Variants in TTC34 observed in about 807,000 individuals in gnomAD.
TTC34 encodes tetratricopeptide repeat domain 34, also known as tetratricopeptide repeat protein 34.
TTC34 carries 44 observed loss-of-function variants against 40.7 expected under a neutral mutation model. The ratio of observed to expected loss-of-function variants is 1.08; its 90% CI spans 0.85 to 1.39. TTC34 has a LOEUF of 1.39. TTC34 is among the 40% of genes most tolerant of loss of function. The pLI is 0.00. For synonymous variants in TTC34, 422 were observed against 398.6 expected, an observed-to-expected ratio of 1.06 and a Z score of -0.70; for missense variants, 884 against 838.0, an observed-to-expected ratio of 1.05 and a Z score of -0.68.
chr1:2,682,670 CCCAGGCGAGCA>C (rs1640131735), intron 6 of TTC34, among the ~76,000 whole-genome samples: 1 of 138,706 alleles, frequency 7.2e-6, no homozygotes, highest in Non-Finnish European at 1.7e-5. Flanking sequence ...CACCCACACC[CCCAGGCGAGCA>C]TCCGACAGCC....
intron 6 of TTC34, among the ~76,000 whole-genome samples, chr1:2,651,745 C>A (rs1290281804): frequency 1.3e-5 from 2 of 151,608 alleles, no homozygotes; most frequent in African/African-American, 4.9e-5. Flanking sequence ...TATCTGACAA[C>A]CTAGAACAGC....
intron 6 of TTC34, among the ~76,000 whole-genome samples, chr1:2,697,267 T>G (rs1640910676): frequency 1.1e-5 from 1 of 90,280 alleles, no homozygotes; most frequent in Non-Finnish European, 2.4e-5. Flanking sequence ...AGTGACACCC[T>G]GGAACAGCAC....
chr1:2,686,556 GCACACA>G (rs1557611626), intron 6 of TTC34, among the ~76,000 whole-genome samples: 4 of 19,724 alleles, frequency 2.0e-4, no homozygotes, highest in Admixed American at 1.7e-3. Context: ...GGAACAGCAC[GCACACA>G]CCCAGGTGAG....
chr1:2,644,196 G>T, intron 8 of TTC34, 68 bp downstream of exon 8: 1 of 1,438,116 alleles, frequency 7.0e-7, no homozygotes, highest in Non-Finnish European at 9.4e-7. Context: ...CCAGTGGTGG[G>T]CCCGGGGGTC....
chr1:2,643,247 G>A (rs1350709144), intron 8 of TTC34, among the ~76,000 whole-genome samples: 1 of 152,242 alleles, frequency 6.6e-6, no homozygotes, highest in African/African-American at 2.4e-5. Flanking sequence ...CGGGGCGCAG[G>A]AAGCGGGGCG....
At chr1:2,759,559 T>C (rs1172444507) in intron 6 of TTC34, among the ~76,000 whole-genome samples, 1,788 of 14,904 alleles carry the variant, frequency 0.12, no homozygotes, top group Middle Eastern at 0.2. Context: ...GCACCCACAC[T>C]CCCAGACGAG....
At chr1:2,790,036 C>A (rs937380248) in exon 3 of TTC34, 3 of 397,006 alleles carry the variant, frequency 7.6e-6, no homozygotes, top group African/African-American at 6.2e-5. Flanking sequence ...CCCCGGCAGG[C>A]GCCAGGCGAA....
intron 6 of TTC34, among the ~76,000 whole-genome samples, chr1:2,651,735 T>G (rs938984561): frequency 6.7e-6 from 1 of 149,680 alleles, no homozygotes; most frequent in Non-Finnish European, 1.5e-5. Flanking sequence ...TTCAGGTGAT[T>G]ATCTGACAAC....
exon 4 of TTC34, chr1:2,787,591 T>G (rs1643607398): frequency 4.5e-6 from 7 of 1,548,968 alleles, no homozygotes; most frequent in Non-Finnish European, 6.1e-6. Flanking sequence ...GCCTTGTGGG[T>G]CTCCTCCAGG....
chr1:2,751,879 A>G (rs1358038625), intron 6 of TTC34, among the ~76,000 whole-genome samples: 1 of 115,492 alleles, frequency 8.7e-6, no homozygotes, highest in African/African-American at 4.0e-5. Flanking sequence ...AGCCTGGAGC[A>G]GCACCCACAC....
At chr1:2,768,637 A>T (rs1356371753) in intron 6 of TTC34, among the ~76,000 whole-genome samples, 1 of 151,842 alleles carries the variant, frequency 6.6e-6, no homozygotes. Context: ...TGAGCATCCG[A>T]CAGCCTGGAA....
At chr1:2,696,824 C>T (rs1276722335) in intron 6 of TTC34, among the ~76,000 whole-genome samples, 1 of 59,218 alleles carries the variant, frequency 1.7e-5, no homozygotes, top group African/African-American at 5.3e-5. Context: ...TCTGAACCCA[C>T]GGAGCAGCAC....
intron 6 of TTC34, among the ~76,000 whole-genome samples, chr1:2,683,635 C>T (rs1465623074): frequency 6.7e-6 from 1 of 149,154 alleles, no homozygotes; most frequent in Non-Finnish European, 1.5e-5. Context: ...ACCCACACCC[C>T]CAGGTGAGCA....
At chr1:2,749,084 C>T (rs1641235540) in intron 6 of TTC34, among the ~76,000 whole-genome samples, 3 of 146,198 alleles carry the variant, frequency 2.1e-5, no homozygotes, top group Non-Finnish European at 1.5e-5. Context: ...ACCCACAACC[C>T]CAGGCGAGCA....
Position 2,750,513 on chromosome 1 carries a change from C to A in TTC34, c.2226+33096G>T, listed in dbSNP as rs1283944654. Among the ~76,000 whole-genome samples, 80 of 92,872 alleles carry A rather than the reference C, an allele frequency of 8.6e-4. 2 individuals are homozygous for A. The highest frequency in any genetic ancestry group is 3.6e-3 in the East Asian group (9 of 2,524). The allele number at this position is 92,872 out of a possible 152,430, so 60.9% of individuals were successfully genotyped here. On this transcript the variant is annotated intron_variant, in intron 6 of 8. Transcript: ENST00000401095. ...CAGTTGAGCATTGGACAGCCTGGAT[C>A]AGCACCCACATCCCCAAGCGAGCAT... is the stretch of plus-strand genomic sequence containing the variant.
rs1222560319 is a variant in TTC34 at position 2,645,930 on chromosome 1, C to T, written c.2227-367G>A. 2.6e-5 allele frequency among the ~76,000 whole-genome samples: 4 copies of T among 152,166 alleles called. No homozygotes were observed. Among genetic ancestry groups the T allele is most frequent in the Non-Finnish European group, 4.4e-5 (3 of 68,032 alleles). ...CCCAGCTTGTAGCTGGCTCCCTCCA[C>T]GCCTGTCCCTCCCCACAGGGGCATC... On this transcript the variant is annotated intron_variant, in intron 6 of 8. Transcript: ENST00000401095. This position sits in a 1 kb window ranked among gnomAD's most constrained non-coding sequence, Gnocchi z 4.7.
intron 6 of TTC34, among the ~76,000 whole-genome samples, chr1:2,675,058 A>T (rs1639848711): frequency 7.7e-6 from 1 of 130,098 alleles, no homozygotes; most frequent in Non-Finnish European, 1.7e-5. Flanking sequence ...TGAGCATCGG[A>T]GAGTCAGGAG....
chr1:2,759,947 GA>G (rs1641640146), intron 6 of TTC34, among the ~76,000 whole-genome samples: 25 of 64,502 alleles, frequency 3.9e-4, no homozygotes, highest in East Asian at 4.8e-4. Flanking sequence ...TGACAGCCTG[GA>G]AAGGCACCCA....
At chr1:2,785,152 G>A (rs1049722683) in intron 5 of TTC34, among the ~76,000 whole-genome samples, 9 of 152,210 alleles carry the variant, frequency 5.9e-5, no homozygotes, top group Non-Finnish European at 8.8e-5. Context: ...GGAGGGTGAG[G>A]GGTGCTCACT....
Sources: gnomAD v4.1 joint callset for allele counts (sites outside exome capture counted in the v4.1 genomes callset) on GRCh38, gnomAD v4.1.1 for gene constraint, Gnocchi (gnomAD v3.1) non-coding constraint, MANE v1.5 for transcripts, NCBI Gene and HGNC (gene_info 2026-07-23, HGNC 2026-07-21) for gene names.